Variants in RAB4B observed in about 807,000 individuals in gnomAD.
The protein encoded by RAB4B is RAB4B, member RAS oncogene family.
A neutral mutation model predicts 28.3 loss-of-function variants in RAB4B; 15 were observed. The observed-to-expected ratio is 0.53, with a 90% CI of 0.35 to 0.82. RAB4B has a LOEUF of 0.82. Among genes scored for constraint, RAB4B ranks in the 40% least tolerant of loss-of-function variants. RAB4B has a pLI of 0.01. For synonymous variants in RAB4B, 108 were observed against 116.3 expected, an observed-to-expected ratio of 0.93 and a Z score of 0.46; for missense variants, 244 against 288.5, an observed-to-expected ratio of 0.85 and a Z score of 1.12.
chr19:40,778,525 A>C, intron 1 of RAB4B, 134 bp downstream of exon 1: 1 of 935,478 alleles, frequency 1.1e-6, no homozygotes, highest in South Asian at 2.3e-5. Flanking sequence ...GGATGCTGGG[A>C]GGGGTTTAGT....
chr19:40,783,880 C>G (rs2083074229), intron 4 of RAB4B, 40 bp downstream of exon 4: 6 of 1,582,096 alleles, frequency 3.8e-6, no homozygotes, highest in African/African-American at 1.3e-5. Context: ...ATGGGTGGTT[C>G]CTCTCCTGCA....
chr19:40,789,430 G>A (rs557068565), intron 7 of RAB4B, among the ~76,000 whole-genome samples: 48 of 149,368 alleles, frequency 3.2e-4, no homozygotes, highest in African/African-American at 1.1e-3. Flanking sequence ...TGGAACTCCC[G>A]ACCTCAGGTG....
intron 7 of RAB4B, among the ~76,000 whole-genome samples, chr19:40,791,276 C>T (rs1284324175): frequency 1.3e-5 from 2 of 152,234 alleles, no homozygotes; most frequent in African/African-American, 4.8e-5. Context: ...AGGCCTGAGC[C>T]ACTGTGCCCT....
chr19:40,787,961 CAAAAAAAAAAAAAA>C (rs56997006), intron 7 of RAB4B, among the ~76,000 whole-genome samples: 5 of 69,468 alleles, frequency 7.2e-5, no homozygotes, highest in African/African-American at 2.3e-4. Context: ...GACTCTGTCT[CAAAAAAAAAAAAAA>C]AAAAAAAAAA....
At chr19:40,778,491 G>C in intron 1 of RAB4B, 100 bp downstream of exon 1, 1 of 1,241,410 alleles carries the variant, frequency 8.1e-7, no homozygotes, top group Non-Finnish European at 1.1e-6. Flanking sequence ...GCGGGGTCTG[G>C]TGTGATGGAG....
At chr19:40,789,838 C>CCT (rs1305993366) in intron 7 of RAB4B, among the ~76,000 whole-genome samples, 2 of 152,212 alleles carry the variant, frequency 1.3e-5, no homozygotes, top group African/African-American at 4.8e-5. Flanking sequence ...GGAAGCCTCG[C>CCT]TGAGAAGATG....
At chr19:40,787,782 T>C (rs2145052877) in intron 7 of RAB4B, among the ~76,000 whole-genome samples, 1 of 150,996 alleles carries the variant, frequency 6.6e-6, no homozygotes, top group East Asian at 2.0e-4. Context: ...GCCAACGTGG[T>C]GAAACCCCTC....
chr19:40,780,563 T>C, intron 3 of RAB4B, 64 bp downstream of exon 3: 1 of 1,388,330 alleles, frequency 7.2e-7, no homozygotes, highest in Non-Finnish European at 1.0e-6. Context: ...GAGAGATGTG[T>C]GTGTAGAGTC....
chr19:40,779,885 T>C, intron 1 of RAB4B, 134 bp from the exon 2 acceptor site: 1 of 1,546,802 alleles, frequency 6.5e-7, no homozygotes, highest in African/African-American at 1.4e-5. Context: ...TACCTATTGG[T>C]TTGTTTCTGC....
In RAB4B at chr19:40,786,574, T is replaced by C. The variant is rs1047302865; in HGVS notation, c.431-91T>C. ...GGTGAGGGTAAGGGGGGATGGAACA[T>C]TGGAGGAACAGGATGAGAGTCAGCA... On this transcript the variant is annotated intron_variant, in intron 5 of 7. Coordinates refer to ENST00000357052, the MANE Select transcript of RAB4B (RefSeq NM_016154.5). The C allele has an allele frequency of 1.9e-5, 29 of 1,566,026 alleles. No individual in the cohort carries two copies. The South Asian group carries it at 2.2e-4, about 12-fold the overall frequency.
At position 40,793,055 on chromosome 19, in the gene RAB4B, G is replaced by T. The variant is rs571672132; in HGVS notation, c.*16-3515G>T. ...GTCTCCCAAAGTGCTGGGATTACAG[G>T]TGTGAGCCACTGCGCCCGGCCTCAG... is the stretch of plus-strand genomic sequence containing the variant. On this transcript the variant is annotated intron_variant, in intron 7 of 7. Transcript: ENST00000357052. Among the ~76,000 whole-genome samples the T allele has an allele frequency of 2.2e-4, 33 of 152,182 alleles. No homozygotes were observed. In the South Asian group the frequency reaches 6.8e-3, roughly 32 times the overall value.
At chr19:40,787,074 CAG>C (rs1233257163) in intron 7 of RAB4B, 96 bp downstream of exon 7, 30 of 1,123,850 alleles carry the variant, frequency 2.7e-5, no homozygotes, top group South Asian at 8.3e-5. Flanking sequence ...ACAAGAGAAA[CAG>C]AGTGAGAGAA....
intron 1 of RAB4B, chr19:40,778,899 AG>A: frequency 1.1e-6 from 1 of 951,580 alleles, no homozygotes; most frequent in Non-Finnish European, 1.3e-6. Flanking sequence ...TTCTGGGCAG[AG>A]GGAGGGAAGG....
intron 5 of RAB4B, 160 bp from the exon 6 acceptor site, chr19:40,786,505 A>T (rs2083100491): frequency 1.9e-6 from 2 of 1,077,386 alleles, no homozygotes; most frequent in Admixed American, 2.4e-5. Context: ...GCATATCGGG[A>T]AGCGGACATT....
chr19:40,793,864 T>A (rs369483071), intron 7 of RAB4B, among the ~76,000 whole-genome samples: 2 of 151,610 alleles, frequency 1.3e-5, no homozygotes, highest in Non-Finnish European at 2.9e-5. Context: ...TCAGAGGTTT[T>A]AGTGAGCCGA....
At chr19:40,781,363 A>C (rs2083046335) in intron 3 of RAB4B, among the ~76,000 whole-genome samples, 2 of 152,178 alleles carry the variant, frequency 1.3e-5, no homozygotes, top group Admixed American at 1.3e-4. Flanking sequence ...GAGGAGACAC[A>C]GAGAAACAGA....
At chr19:40,786,396 G>A in intron 5 of RAB4B, 2 of 433,086 alleles carry the variant, frequency 4.6e-6, no homozygotes, top group Non-Finnish European at 8.6e-6. Flanking sequence ...AAGAAGCTGT[G>A]GGAGCCCTAA....
intron 7 of RAB4B, among the ~76,000 whole-genome samples, chr19:40,790,598 C>A (rs1163975039): frequency 2.0e-5 from 3 of 150,928 alleles, no homozygotes; most frequent in South Asian, 4.2e-4. Flanking sequence ...TGGTCTCGAT[C>A]TCCTGACCTC....
intron 7 of RAB4B, among the ~76,000 whole-genome samples, chr19:40,793,572 GTTTT>G (rs373163247): frequency 1.6e-5 from 2 of 125,408 alleles, no homozygotes; most frequent in East Asian, 2.2e-4. Context: ...TTTCTTTTTT[GTTTT>G]TTTTTTTTTT....
Sources: allele counts gnomAD v4.1 joint callset (sites outside exome capture counted in the v4.1 genomes callset), GRCh38; gene constraint gnomAD v4.1.1; transcripts MANE v1.5; gene names NCBI Gene and HGNC (gene_info 2026-07-23, HGNC 2026-07-21).